PIR: variants seen among roughly 807,000 people sequenced by gnomAD.
PIR encodes the protein pirin.
PIR carries 22 observed loss-of-function variants against 24.2 expected under a neutral mutation model. The observed-to-expected ratio is 0.91, with a 90% CI of 0.65 to 1.30. The LOEUF (loss-of-function observed/expected upper bound fraction) is 1.30, where lower values mean the gene tolerates loss of function less well. Among genes scored for constraint, PIR ranks in the 50% most tolerant of loss-of-function variants. PIR has a pLI of 0.00. For synonymous variants in PIR, 80 were observed against 79.6 expected, an observed-to-expected ratio of 1.00 and a Z score of -0.03; for missense variants, 220 against 220.3, an observed-to-expected ratio of 1.00 and a Z score of 0.01.
At chrX:15,427,073 G>A (rs1299112890) in intron 5 of PIR, among the ~76,000 whole-genome samples, 2 of 111,714 alleles carry the variant, frequency 1.8e-5, no homozygotes, top group Middle Eastern at 4.2e-3. Context: ...AACAACTCAG[G>A]TGAATTTCAC....
chrX:15,423,817 C>T (rs1925215484), intron 6 of PIR, among the ~76,000 whole-genome samples: 1 of 111,927 alleles, frequency 8.9e-6, no homozygotes, highest in Non-Finnish European at 1.9e-5. Context: ...GGTGTATGAA[C>T]AAAATGCTCA....
At chrX:15,406,234 G>A (rs1924546851) in intron 7 of PIR, among the ~76,000 whole-genome samples, 1 of 112,583 alleles carries the variant, frequency 8.9e-6, no homozygotes, top group African/African-American at 3.2e-5. Flanking sequence ...GGATGAGGAG[G>A]AGAAAACGAG....
chrX:15,455,942 G>A lies in PIR; in HGVS notation c.386C>T (p.Pro129Leu), dbSNP rs1996173. The A allele has an allele frequency of 1.7e-6, 2 of 1,208,466 alleles. No individual in the cohort carries two copies. Among genetic ancestry groups the A allele is most frequent in the Non-Finnish European group, 2.2e-6 (2 of 892,330 alleles). The change falls in exon 5 of 10, where the codon CCT becomes CTT. Residue 129 changes from proline to leucine, a missense_variant. By Grantham distance (98) the Pro-to-Leu change is moderately conservative (BLOSUM62 -3). Transcript: ENST00000380420. The stretch of plus-strand genomic sequence containing the variant: ...TTCACTTTTCAGTTCCTGGTACTGA[G>A]GCTCCACCATCTTCTCTGAGCTCCT... ...NLRSSEKMVE[P>L]QYQELKSEEI... is the part of the protein sequence containing the mutation.
chrX:15,472,430 G>A lies in PIR; in HGVS notation c.189+7299C>T, dbSNP rs752626865. ...CCCAAGTGTCCACCAATGGATGACC[G>A]GATAACAAAATGTGGTCTATCCATA... On this transcript the variant is annotated intron_variant, in intron 3 of 9. Transcript: ENST00000380420. 1.8e-4 allele frequency among the ~76,000 whole-genome samples: 20 copies of A among 111,563 alleles called. No individual in the cohort carries two copies. The South Asian group carries it at 2.2e-3, about 12-fold the overall frequency.
chrX:15,469,485 A>T (rs1921768630), intron 3 of PIR, among the ~76,000 whole-genome samples: 1 of 111,837 alleles, frequency 8.9e-6, no homozygotes, highest in African/African-American at 3.3e-5. Context: ...CCACTAAAAT[A>T]TGCAGACAAG....
intron 5 of PIR, among the ~76,000 whole-genome samples, chrX:15,445,128 A>G (rs1049136061): frequency 1.8e-5 from 2 of 111,431 alleles, no homozygotes; most frequent in Non-Finnish European, 3.8e-5. Context: ...TATTGTTCTT[A>G]GAGCCCAGAG....
At chrX:15,444,031 T>C (rs760648994) in intron 5 of PIR, among the ~76,000 whole-genome samples, 1 of 112,758 alleles carries the variant, frequency 8.9e-6, no homozygotes, top group East Asian at 2.8e-4. Flanking sequence ...TAAACTCAGT[T>C]GATAAAGCAG....
chrX:15,457,715 T>C (rs1186217442), intron 4 of PIR, among the ~76,000 whole-genome samples: 5 of 112,153 alleles, frequency 4.5e-5, no homozygotes, highest in African/African-American at 1.6e-4. Context: ...GGCCAGTGCA[T>C]ACTTTAAAGA....
At position 15,473,617 on chromosome X, in the gene PIR, C is replaced by T. The variant is rs972426064; in HGVS notation, c.189+6112G>A. 7.2e-5 allele frequency among the ~76,000 whole-genome samples: 8 copies of T among 110,536 alleles called. No homozygotes were observed. In the South Asian group the frequency reaches 1.5e-3, roughly 21 times the overall value. ...CGTTGCCCAGGGTGGAGTGCAATGGCGCAATCTTGGCTCACTGCAACCTCC... is the reference window on the plus strand; with the variant it reads ...CGTTGCCCAGGGTGGAGTGCAATGGTGCAATCTTGGCTCACTGCAACCTCC... On this transcript the variant is annotated intron_variant, in intron 3 of 9. Transcript: ENST00000380420.
chrX:15,454,482 A>C (rs947835346), intron 5 of PIR, among the ~76,000 whole-genome samples: 3 of 109,640 alleles, frequency 2.7e-5, no homozygotes, highest in Non-Finnish European at 3.8e-5. Flanking sequence ...GTAAAAAAAA[A>C]AAAAACAAAA....
intron 6 of PIR, among the ~76,000 whole-genome samples, chrX:15,408,427 T>C (rs1025775136): frequency 9.0e-6 from 1 of 111,627 alleles, no homozygotes; most frequent in African/African-American, 3.3e-5. Flanking sequence ...GTGAACTCCC[T>C]GGAATTGTTC....
At chrX:15,425,652 C>A (rs1449141857) in intron 6 of PIR, among the ~76,000 whole-genome samples, 1 of 111,171 alleles carries the variant, frequency 9.0e-6, no homozygotes, top group Non-Finnish European at 1.9e-5. Context: ...CCTCGTGATC[C>A]ACCCGCCTCG....
At chrX:15,404,724 T>C (rs914197063) in intron 7 of PIR, among the ~76,000 whole-genome samples, 2 of 112,203 alleles carry the variant, frequency 1.8e-5, no homozygotes, top group African/African-American at 6.5e-5. Flanking sequence ...TTTTCCCTGA[T>C]GATTTGTTCT....
intron 7 of PIR, among the ~76,000 whole-genome samples, chrX:15,400,202 T>A (rs1399050349): frequency 8.9e-6 from 1 of 111,875 alleles, no homozygotes; most frequent in Non-Finnish European, 1.9e-5. Context: ...GATTTTCCAC[T>A]TATGCAGGGA....
intron 5 of PIR, among the ~76,000 whole-genome samples, chrX:15,441,422 T>C (rs1270058375): frequency 8.9e-6 from 1 of 111,856 alleles, no homozygotes; most frequent in Non-Finnish European, 1.9e-5. Flanking sequence ...AAACTCTCCA[T>C]ATACATTTCA....
intron 2 of PIR, among the ~76,000 whole-genome samples, chrX:15,490,894 C>A (rs1403772072): frequency 2.7e-5 from 3 of 112,018 alleles, no homozygotes; most frequent in Non-Finnish European, 5.6e-5. Context: ...GCATGTCAGC[C>A]CAGGGTGGCA....
At chrX:15,424,282 A>G (rs766964528) in intron 6 of PIR, among the ~76,000 whole-genome samples, 1 of 112,332 alleles carries the variant, frequency 8.9e-6, no homozygotes, top group South Asian at 3.7e-4. Context: ...GAGGACATTC[A>G]GTTAAATAAG....
intron 5 of PIR, among the ~76,000 whole-genome samples, chrX:15,434,262 G>A (rs1435900093): frequency 9.7e-6 from 1 of 103,469 alleles, no homozygotes; most frequent in Non-Finnish European, 2.0e-5. Context: ...AAAGAAGAAG[G>A]AGGAGGAGAA....
At chrX:15,389,534 C>T (rs1923886461) in intron 9 of PIR, among the ~76,000 whole-genome samples, 1 of 111,288 alleles carries the variant, frequency 9.0e-6, no homozygotes, top group African/African-American at 3.3e-5. Context: ...GTTTTGTAAG[C>T]ATTTATCTAA....
Sources: allele counts gnomAD v4.1 joint callset (sites outside exome capture counted in the v4.1 genomes callset), GRCh38; gene constraint gnomAD v4.1.1; transcripts MANE v1.5; gene names NCBI Gene and HGNC (gene_info 2026-07-23, HGNC 2026-07-21).